The following CTDSPL2 variants were observed in gnomAD, a reference collection of about 807,000 sequenced individuals.
CTDSPL2 encodes the protein CTD small phosphatase like 2, also known as CTD small phosphatase-like protein 2.
CTDSPL2 carries 5 observed loss-of-function variants against 60.0 expected under a neutral mutation model. That is an observed-to-expected ratio of 0.08 (90% CI 0.04 to 0.18). The LOEUF is 0.18. Ranked by LOEUF, CTDSPL2 falls within the 10% of genes least tolerant of loss-of-function variation. CTDSPL2 has a pLI of 1.00. For synonymous variants in CTDSPL2, 186 were observed against 189.3 expected (o/e 0.98, Z 0.14); for missense variants, 370 against 548.8 (o/e 0.67, Z 3.26).
intron 2 of CTDSPL2, among the ~76,000 whole-genome samples, chr15:44,478,535 T>C (rs955949577): frequency 2.6e-5 from 4 of 150,976 alleles, no homozygotes; most frequent in African/African-American, 9.7e-5. Flanking sequence ...CAGTGCCCTC[T>C]ATGCTTGAAA....
chr15:44,432,128 G>C (rs1595685411), intron 1 of CTDSPL2, among the ~76,000 whole-genome samples: 1 of 152,110 alleles, frequency 6.6e-6, no homozygotes, highest in South Asian at 2.1e-4. Context: ...AATTGTGGTG[G>C]GAAGCTTTGG....
Position 44,525,536 on chromosome 15 carries a change from C to T in CTDSPL2, c.*1362C>T, listed in dbSNP as rs189946021. The T allele has an allele frequency of 7.5e-6, 3 of 398,618 alleles. No individual in the cohort carries two copies. The highest frequency in any genetic ancestry group is 3.6e-5 in the East Asian group (1 of 28,046). 24.7% of individuals were successfully genotyped at this position (398,618 alleles called of 1,614,324 possible). ...TTTTTGTGTAAAGGATGTCAAAGAA[C>T]GGCACTTTTTCTAAAGAGAAGTTTG... On this transcript the variant is annotated 3_prime_UTR_variant, in exon 13 of 13. Transcript: ENST00000260327.
rs1352802307 is a variant in CTDSPL2 at position 44,525,510 on chromosome 15, G to GT, written c.*1341dup. 1 of 398,700 alleles carries GT rather than the reference G, an allele frequency of 2.5e-6. No homozygotes were observed. The highest frequency in any genetic ancestry group is 4.4e-5 in the Admixed American group (1 of 22,696). The allele number at this position is 398,700 out of a possible 1,614,324, so 24.7% of individuals were successfully genotyped here. ...CATTAACATGCCACAGGCTCAGACT[G>GT]TTTTTGTGTAAAGGATGTCAAAGAA... On this transcript the variant is annotated 3_prime_UTR_variant, in exon 13 of 13. Transcript: ENST00000260327.
chr15:44,499,823 AT>A lies in CTDSPL2; in HGVS notation c.969+17del. 11 of 1,564,018 alleles carry A rather than the reference AT, an allele frequency of 7.0e-6. No homozygotes were observed. The highest frequency in any genetic ancestry group is 8.8e-6 in the Non-Finnish European group (10 of 1,139,808). On this transcript the variant is annotated intron_variant, in intron 8 of 12. Transcript: ENST00000260327. ...AGATGTCATTTATCAGGTAATTAAA[AT>A]TTTTTTGATGATTTTTGGCCTGATA... is the stretch of plus-strand genomic sequence containing the variant.
rs12438421 is a variant in CTDSPL2, at chr15:44,479,438, A to T, written c.187-4786A>T. Among the ~76,000 whole-genome samples the T allele has an allele frequency of 6.6e-3, 663 of 100,714 alleles. 17 individuals carry two copies. The Admixed American group carries it at 0.071, about 11-fold the overall frequency. 66.1% of individuals were successfully genotyped at this position (100,714 alleles called of 152,430 possible). On this transcript the variant is annotated intron_variant, in intron 2 of 12. Transcript: ENST00000260327. Reference sequence around the variant, plus strand: ...TTTTTTTTTTTTTTTTTGAGACAGGATCTTGCTCTGTTGCCCAGGTTGCAG... The same window carrying T: ...TTTTTTTTTTTTTTTTTGAGACAGGTTCTTGCTCTGTTGCCCAGGTTGCAG...
intron 3 of CTDSPL2, among the ~76,000 whole-genome samples, chr15:44,486,073 T>C (rs2081113260): frequency 6.6e-6 from 1 of 152,236 alleles, no homozygotes; most frequent in African/African-American, 2.4e-5. Context: ...TTGACACTGC[T>C]ATATATAGCC....
chr15:44,468,727 T>G (rs1435938413), intron 2 of CTDSPL2, among the ~76,000 whole-genome samples: 1 of 152,182 alleles, frequency 6.6e-6, no homozygotes, highest in African/African-American at 2.4e-5. Flanking sequence ...GGTACAGTAG[T>G]TCCCCCCTAT....
intron 1 of CTDSPL2, chr15:44,448,383 C>A: frequency 4.3e-6 from 1 of 233,912 alleles, no homozygotes; most frequent in South Asian, 5.9e-5. Context: ...TGTGCTGCAT[C>A]TTGGAACCCA....
intron 1 of CTDSPL2, among the ~76,000 whole-genome samples, chr15:44,433,546 G>C (rs1442708168): frequency 6.6e-6 from 1 of 151,726 alleles, no homozygotes; most frequent in Middle Eastern, 3.4e-3. Flanking sequence ...GCAGTGGCAC[G>C]ATCTCAGCTC....
At chr15:44,486,967 A>G (rs1032742397) in intron 4 of CTDSPL2, among the ~76,000 whole-genome samples, 1 of 152,106 alleles carries the variant, frequency 6.6e-6, no homozygotes, top group Non-Finnish European at 1.5e-5. Context: ...GGGTTTCACC[A>G]TGTTGACCAG....
At chr15:44,488,631 G>A (rs2081162273) in intron 4 of CTDSPL2, among the ~76,000 whole-genome samples, 1 of 152,066 alleles carries the variant, frequency 6.6e-6, no homozygotes, top group Admixed American at 6.6e-5. Flanking sequence ...TGACCAACAT[G>A]GAGAAACCTA....
rs553868903 is a variant in CTDSPL2 at position 44,456,278 on chromosome 15, C to T, written c.-24-2713C>T. Among the ~76,000 whole-genome samples, 12 of 152,302 alleles carry T rather than the reference C, an allele frequency of 7.9e-5. No individual in the cohort carries two copies. The South Asian group carries it at 1.7e-3, about 21-fold the overall frequency. ...CATAAAATGAGTTCGGGAGGATTCCCTCTTTTTCTATTGATTGTAATAGTT... is the reference window on the plus strand; with the variant it reads ...CATAAAATGAGTTCGGGAGGATTCCTTCTTTTTCTATTGATTGTAATAGTT... On this transcript the variant is annotated intron_variant, in intron 1 of 12. Transcript: ENST00000260327.
intron 10 of CTDSPL2, among the ~76,000 whole-genome samples, chr15:44,518,379 C>T (rs758906198): frequency 1.3e-5 from 2 of 152,094 alleles, no homozygotes; most frequent in Non-Finnish European, 2.9e-5. Context: ...CCTTTAATAG[C>T]TTTCTAAAAT....
intron 1 of CTDSPL2, 135 bp downstream of exon 1, chr15:44,427,907 C>T (rs1331451512): frequency 2.6e-6 from 1 of 381,080 alleles, no homozygotes; most frequent in East Asian, 3.7e-5. Flanking sequence ...GGCATGCACT[C>T]TTTGGCGCCT....
chr15:44,430,917 G>T (rs992545808), intron 1 of CTDSPL2, among the ~76,000 whole-genome samples: 1 of 151,698 alleles, frequency 6.6e-6, no homozygotes, highest in Non-Finnish European at 1.5e-5. Context: ...CACCTCCTGG[G>T]TTCAAGTAAT....
At chr15:44,522,626 G>A (rs913837752) in intron 12 of CTDSPL2, among the ~76,000 whole-genome samples, 10 of 152,076 alleles carry the variant, frequency 6.6e-5, no homozygotes, top group South Asian at 2.1e-4. Context: ...AGTGGTGGGC[G>A]CCTATAATCC....
intron 1 of CTDSPL2, among the ~76,000 whole-genome samples, chr15:44,439,759 G>A (rs1005803145): frequency 6.6e-6 from 1 of 152,108 alleles, no homozygotes; most frequent in Non-Finnish European, 1.5e-5. Flanking sequence ...GGCTGTATAT[G>A]TCTGTTTAAA....
chr15:44,490,496 C>T (rs1454167768), intron 4 of CTDSPL2, among the ~76,000 whole-genome samples: 4 of 152,094 alleles, frequency 2.6e-5, no homozygotes, highest in Non-Finnish European at 5.9e-5. Context: ...TTAAAAGGTT[C>T]TCATGATTAG....
Position 44,478,803 on chromosome 15 carries a change from G to T in CTDSPL2, c.187-5421G>T, listed in dbSNP as rs532029354. Among the ~76,000 whole-genome samples the T allele has an allele frequency of 5.3e-4, 80 of 152,022 alleles. 1 individual carries two copies. In the South Asian group the frequency reaches 0.014, roughly 27 times the overall value. ...TCAAGACCAGCCTGACCAACATGGT[G>T]AAACCCTGTCTCTACTAATAATACA... On this transcript the variant is annotated intron_variant, in intron 2 of 12. Transcript: ENST00000260327.
Sources: allele counts gnomAD v4.1 joint callset (sites outside exome capture counted in the v4.1 genomes callset), GRCh38; gene constraint gnomAD v4.1.1; transcripts MANE v1.5; gene names NCBI Gene and HGNC (gene_info 2026-07-23, HGNC 2026-07-21).